Variants in SUPT3H observed in about 807,000 individuals in gnomAD.
SUPT3H encodes the protein SPT3 homolog, SAGA and STAGA complex component, also known as transcription initiation protein SPT3 homolog.
Under a neutral mutation model 44.3 loss-of-function variants are expected in SUPT3H, and 44 were observed. The ratio of observed to expected loss-of-function variants is 0.99; its 90% CI spans 0.78 to 1.28. The LOEUF (loss-of-function observed/expected upper bound fraction) is 1.28. Ranked by LOEUF, SUPT3H falls within the 50% of genes most tolerant of loss-of-function variation. The probability of loss-of-function intolerance (pLI) is 0.00; values close to 1 mark genes in which losing one functional copy is unlikely to be tolerated. For missense variants in SUPT3H, 380 were observed against 387.1 expected, an observed-to-expected ratio of 0.98 and a Z score of 0.15; for synonymous variants, 124 against 125.6, an observed-to-expected ratio of 0.99 and a Z score of 0.09.
chr6:45,165,662 T>A (rs1391362054), intron 2 of SUPT3H, among the ~76,000 whole-genome samples: 1 of 152,032 alleles, frequency 6.6e-6, no homozygotes, highest in Non-Finnish European at 1.5e-5. Flanking sequence ...ATACAAAAAA[T>A]ATCAAATGAA....
chr6:45,136,961 T>G (rs554173333), intron 2 of SUPT3H, among the ~76,000 whole-genome samples: 1 of 152,098 alleles, frequency 6.6e-6, no homozygotes, highest in African/African-American at 2.4e-5. Context: ...TAAGATAAAT[T>G]CAAAGAGACT....
intron 3 of SUPT3H, among the ~76,000 whole-genome samples, chr6:45,022,897 G>T (rs1250914430): frequency 1.3e-5 from 2 of 151,918 alleles, no homozygotes; most frequent in African/African-American, 4.8e-5. Context: ...CACATCTCAG[G>T]AATACTATTT....
intron 2 of SUPT3H, among the ~76,000 whole-genome samples, chr6:45,313,207 A>C (rs1366258521): frequency 6.6e-6 from 1 of 152,166 alleles, no homozygotes; most frequent in Non-Finnish European, 1.5e-5. Context: ...CAAACAGACA[A>C]TCTAAAGTCA....
chr6:44,960,374 C>T (rs1054157457), intron 7 of SUPT3H, among the ~76,000 whole-genome samples: 3 of 145,668 alleles, frequency 2.1e-5, no homozygotes, highest in African/African-American at 7.6e-5. Context: ...GAGCCGAGAT[C>T]GCACCACTGC....
chr6:45,300,651 A>G (rs2149921485), intron 2 of SUPT3H, among the ~76,000 whole-genome samples: 1 of 152,284 alleles, frequency 6.6e-6, no homozygotes, highest in Non-Finnish European at 1.5e-5. Context: ...GGTTGATGAA[A>G]AAGTTCTGAA....
intron 2 of SUPT3H, among the ~76,000 whole-genome samples, chr6:45,109,624 TCA>T (rs1318366043): frequency 2.6e-5 from 4 of 152,190 alleles, no homozygotes; most frequent in Non-Finnish European, 5.9e-5. Flanking sequence ...TATTGGTACT[TCA>T]GTTTTTCTCC....
chr6:45,200,369 A>G (rs750557026), intron 2 of SUPT3H, among the ~76,000 whole-genome samples: 1 of 151,544 alleles, frequency 6.6e-6, no homozygotes, highest in South Asian at 2.1e-4. Context: ...TTCAATGTTG[A>G]ATGAAAGCAA....
intron 6 of SUPT3H, among the ~76,000 whole-genome samples, chr6:44,998,674 AG>A (rs1469215581): frequency 4.6e-5 from 7 of 151,904 alleles, no homozygotes; most frequent in African/African-American, 1.7e-4. Context: ...TCTTATTTAG[AG>A]GTGACACAGA....
rs569735864 is a variant in SUPT3H, at chr6:45,097,606, C to T, written c.186+8316G>A. 8 of 152,338 alleles carry T rather than the reference C, an allele frequency of 5.3e-5. No individual in the cohort carries two copies. In the East Asian group the frequency reaches 1.2e-3, roughly 22 times the overall value. The allele number at this position is 152,338 out of a possible 1,614,324, so 9.4% of individuals were successfully genotyped here. On this transcript the variant is annotated intron_variant, in intron 3 of 10. Coordinates refer to ENST00000371459, the MANE Select transcript of SUPT3H (RefSeq NM_003599.4). ...GACATCTCAAAGAGATCCACTGTTACAATTACAGGTGACTGTAGCTACAAT... is the reference window on the plus strand; with the variant it reads ...GACATCTCAAAGAGATCCACTGTTATAATTACAGGTGACTGTAGCTACAAT...
intron 2 of SUPT3H, among the ~76,000 whole-genome samples, chr6:45,171,713 C>CTTTTTTTTT (rs777154020): frequency 3.5e-4 from 33 of 93,476 alleles, no homozygotes; most frequent in African/African-American, 7.6e-4. Context: ...ATTCCACTTG[C>CTTTTTTTTT]TTTTTTTTTT....
intron 2 of SUPT3H, among the ~76,000 whole-genome samples, chr6:45,234,882 C>A (rs939091726): frequency 1.2e-4 from 18 of 152,248 alleles, no homozygotes; most frequent in Admixed American, 1.0e-3. Context: ...ACTCCCAAGT[C>A]CTTAAAATGC....
chr6:45,248,092 T>C (rs921590021), intron 2 of SUPT3H, among the ~76,000 whole-genome samples: 7 of 152,018 alleles, frequency 4.6e-5, no homozygotes, highest in Admixed American at 4.6e-4. Context: ...AATCACAGAC[T>C]TAAATATAAA....
At chr6:45,283,206 T>C (rs996150095) in intron 2 of SUPT3H, among the ~76,000 whole-genome samples, 4 of 152,110 alleles carry the variant, frequency 2.6e-5, no homozygotes, top group Non-Finnish European at 5.9e-5. Context: ...GCTAACATCA[T>C]AATGACAGGA....
chr6:44,810,142 T>TA lies in SUPT3H; in HGVS notation c.*53-642dup, dbSNP rs1283063078. Among the ~76,000 whole-genome samples, 6 of 151,686 alleles carry TA rather than the reference T, an allele frequency of 4.0e-5. No homozygotes were observed. In the East Asian group the frequency reaches 9.7e-4, roughly 25 times the overall value. On this transcript the variant is annotated intron_variant and NMD_transcript_variant, in intron 11 of 11. Coordinates refer to the SUPT3H transcript ENST00000475057. ...TGCCTGACTCCAGAATCATGAGAAA[T>TA]AAAAAAAATAATGTTGCCTTAAAGC...
rs115294996 is a variant in SUPT3H, at chr6:45,021,166, T to C, written c.187-534A>G. On this transcript the variant is annotated intron_variant, in intron 3 of 10. Coordinates refer to ENST00000371459, the MANE Select transcript of SUPT3H (RefSeq NM_003599.4). ...AAAGGATTCAGTCCATAAATCATAA[T>C]ACTGGACTGCATTAATTTCTTTCCA... is the stretch of plus-strand genomic sequence containing the variant. 2.3e-3 allele frequency among the ~76,000 whole-genome samples: 353 copies of C among 152,044 alleles called. 2 individuals carry two copies. The highest frequency in any genetic ancestry group is 7.8e-3 in the African/African-American group (323 of 41,548).
At chr6:45,331,423 A>T (rs766407763) in intron 2 of SUPT3H, among the ~76,000 whole-genome samples, 2 of 151,950 alleles carry the variant, frequency 1.3e-5, no homozygotes, top group Non-Finnish European at 2.9e-5. Flanking sequence ...TCAATAATAT[A>T]TTTATAGTTT....
intron 2 of SUPT3H, among the ~76,000 whole-genome samples, chr6:45,218,777 C>A (rs1200693117): frequency 6.6e-6 from 1 of 152,066 alleles, no homozygotes; most frequent in Non-Finnish European, 1.5e-5. Context: ...TATAGAAAAT[C>A]TGAACAACAC....
At chr6:44,825,265 T>C (rs1767655684), downstream of SUPT3H, among the ~76,000 whole-genome samples, 1 of 152,242 alleles carries the variant, frequency 6.6e-6, no homozygotes, top group Non-Finnish European at 1.5e-5. Flanking sequence ...ATAATTATAT[T>C]CTATTGTACA....
At chr6:45,016,828 G>T (rs1784360088) in intron 4 of SUPT3H, among the ~76,000 whole-genome samples, 1 of 152,088 alleles carries the variant, frequency 6.6e-6, no homozygotes, top group African/African-American at 2.4e-5. Flanking sequence ...CATTATAACA[G>T]CATGATTTAC....
Sources: allele counts gnomAD v4.1 joint callset (sites outside exome capture counted in the v4.1 genomes callset), GRCh38; gene constraint gnomAD v4.1.1; transcripts MANE v1.5; gene names NCBI Gene and HGNC (gene_info 2026-07-23, HGNC 2026-07-21).